Variants in ITGB1 observed in about 807,000 individuals in gnomAD.
The protein encoded by ITGB1 is integrin beta-1.
A neutral mutation model predicts 86.5 loss-of-function variants in ITGB1; 24 were observed. That is an observed-to-expected ratio of 0.28 (90% CI 0.20 to 0.39). The LOEUF (loss-of-function observed/expected upper bound fraction) is 0.39. Among genes scored for constraint, ITGB1 ranks in the 10% least tolerant of loss-of-function variants. The pLI, the probability that ITGB1 is intolerant of heterozygous loss-of-function variation, is 1.00. For synonymous variants in ITGB1, 323 were observed against 316.8 expected, an observed-to-expected ratio of 1.02 and a Z score of -0.21; for missense variants, 556 against 946.9, an observed-to-expected ratio of 0.59 and a Z score of 5.42.
intron 8 of ITGB1, 65 bp downstream of exon 8, chr10:32,922,575 G>A: frequency 9.7e-7 from 1 of 1,033,342 alleles, no homozygotes; most frequent in Non-Finnish European, 1.5e-6. Context: ...TTTCAATTCA[G>A]ACATGATTTG....
At chr10:32,945,570 G>C (rs1230156159) in intron 1 of ITGB1, among the ~76,000 whole-genome samples, 2 of 151,838 alleles carry the variant, frequency 1.3e-5, no homozygotes, top group Non-Finnish European at 2.9e-5. Context: ...CTGCACTCCA[G>C]CCTGGGCGAC....
chr10:32,902,938 T>C (rs144543194), intron 15 of ITGB1, among the ~76,000 whole-genome samples: 1 of 152,130 alleles, frequency 6.6e-6, no homozygotes, highest in Non-Finnish European at 1.5e-5. Context: ...ATTAAGGAGA[T>C]TTTCATTGTG....
At chr10:32,925,755 G>T in intron 6 of ITGB1, 116 bp downstream of exon 6, 1 of 723,152 alleles carries the variant, frequency 1.4e-6, no homozygotes, top group Non-Finnish European at 2.4e-6. Flanking sequence ...ACTTCTCTAA[G>T]ATAATCAAAT....
At position 32,908,548 on chromosome 10, in the gene ITGB1, A is replaced by C. The variant is rs201244255; in HGVS notation, c.2165-14T>G. 41 of 1,611,930 alleles carry C rather than the reference A, an allele frequency of 2.5e-5. No individual in the cohort carries two copies. The highest frequency in any genetic ancestry group is 3.1e-5 in the Non-Finnish European group (37 of 1,178,576). On this transcript the variant is annotated splice_polypyrimidine_tract_variant and intron_variant, in intron 14 of 15. Coordinates refer to ENST00000302278, the MANE Select transcript of ITGB1 (RefSeq NM_002211.4). ...CAGTGGGACACTCTGGAAAATAAGA[A>C]GGTAATAATGAGCACCACAAAGAGC...
Position 32,901,548 on chromosome 10 carries a change from G to A in ITGB1, c.*22C>T. On this transcript the variant is annotated 3_prime_UTR_variant, in exon 16 of 16. Transcript: ENST00000302278. The stretch of plus-strand genomic sequence containing the variant: ...AAATTGCTACTTTGCATTCAGTGTT[G>A]TGGGATTTGCACGGGCAGTACTCAT... The A allele has an allele frequency of 2.0e-6, 3 of 1,464,326 alleles. No individual in the cohort carries two copies. The highest frequency in any genetic ancestry group is 2.8e-6 in the Non-Finnish European group (3 of 1,053,576). The allele number at this position is 1,464,326 out of a possible 1,614,324, so 90.7% of individuals were successfully genotyped here. A position where few individuals can be genotyped will look rare whatever the true frequency, so the allele number is the denominator to read the frequency against.
At chr10:32,917,858 A>C (rs2094936912) in intron 11 of ITGB1, among the ~76,000 whole-genome samples, 1 of 152,156 alleles carries the variant, frequency 6.6e-6, no homozygotes, top group African/African-American at 2.4e-5. Flanking sequence ...ATACCCAAAG[A>C]ATTATAAATC....
Position 32,908,383 on chromosome 10 carries a change from A to C in ITGB1, c.2316T>G (p.Asn772Lys). 1 of 1,614,032 alleles carries C rather than the reference A, an allele frequency of 6.2e-7. No homozygotes were observed. Among genetic ancestry groups the C allele is most frequent in the Middle Eastern group, 1.7e-4 (1 of 6,058 alleles). ...EFAKFEKEKM[N>K]AKWDTGENPI... ...TGTAACTTACCGTGTCCCATTTGGC[A>C]TTCATTTTCTCCTTTTCAAATTTAG... Residue 772 changes from asparagine to lysine, a missense_variant, in exon 15 of 16, where the codon AAT (asparagine) becomes AAG (lysine). Physicochemically the swap from Asn to Lys is moderately conservative, Grantham distance 94 (BLOSUM62 0). This residue lies in a region of ITGB1 where 18 missense variants were observed against 75.2 expected (regional missense o/e 0.24). Transcript: ENST00000302278.
At chr10:32,931,632 T>C (rs2094983689) in intron 3 of ITGB1, among the ~76,000 whole-genome samples, 1 of 152,088 alleles carries the variant, frequency 6.6e-6, no homozygotes, top group Admixed American at 6.6e-5. Flanking sequence ...AGAAAATTTT[T>C]GAAAAACAAC....
intron 14 of ITGB1, among the ~76,000 whole-genome samples, chr10:32,909,318 T>C (rs968395615): frequency 6.6e-6 from 1 of 152,138 alleles, no homozygotes; most frequent in Non-Finnish European, 1.5e-5. Flanking sequence ...ACTGAGCCTT[T>C]TGTCACACAC....
intron 4 of ITGB1, among the ~76,000 whole-genome samples, chr10:32,928,555 G>T (rs1273746181): frequency 6.6e-6 from 1 of 151,946 alleles, no homozygotes; most frequent in African/African-American, 2.4e-5. Context: ...AAAACAAATA[G>T]AACACCATAA....
intron 1 of ITGB1, among the ~76,000 whole-genome samples, chr10:32,946,308 C>T (rs1033073562): frequency 6.6e-6 from 1 of 152,142 alleles, no homozygotes; most frequent in Admixed American, 6.5e-5. Flanking sequence ...AATCATGATT[C>T]GTAAACAAGG....
At chr10:32,931,409 C>T (rs1459387918) in intron 3 of ITGB1, among the ~76,000 whole-genome samples, 2 of 152,058 alleles carry the variant, frequency 1.3e-5, no homozygotes, top group African/African-American at 2.4e-5. Flanking sequence ...GCAGCTACCA[C>T]TTATTTAGAA....
chr10:32,952,142 G>T (rs1052838870), intron 1 of ITGB1, among the ~76,000 whole-genome samples: 1 of 151,840 alleles, frequency 6.6e-6, no homozygotes, highest in Non-Finnish European at 1.5e-5. Context: ...TCAGTAAGCT[G>T]TAAACAGTAT....
chr10:32,909,499 T>C (rs2094906682), intron 14 of ITGB1, among the ~76,000 whole-genome samples: 1 of 152,084 alleles, frequency 6.6e-6, no homozygotes, highest in Admixed American at 6.6e-5. Flanking sequence ...TTAATCAAAA[T>C]TAAAACCTGT....
At chr10:32,912,612 G>T (rs1422968768) in intron 11 of ITGB1, among the ~76,000 whole-genome samples, 7 of 152,194 alleles carry the variant, frequency 4.6e-5, no homozygotes, top group Non-Finnish European at 8.8e-5. Flanking sequence ...GGGAGGCCGA[G>T]GGAGGGGTAT....
chr10:32,912,229 C>G (rs201475769), intron 11 of ITGB1, 105 bp from the exon 12 acceptor site: 1 of 863,076 alleles, frequency 1.2e-6, no homozygotes, highest in South Asian at 1.6e-5. Context: ...CCAGCGTGAG[C>G]GACACAGAAG....
At chr10:32,903,283 C>T (rs913836429) in intron 15 of ITGB1, among the ~76,000 whole-genome samples, 1 of 127,462 alleles carries the variant, frequency 7.8e-6, no homozygotes, top group Non-Finnish European at 1.6e-5. Context: ...ACCCGGGAAG[C>T]GGAGATTGTA....
intron 3 of ITGB1, among the ~76,000 whole-genome samples, chr10:32,931,219 A>G (rs1353483082): frequency 1.3e-5 from 2 of 152,156 alleles, no homozygotes; most frequent in Non-Finnish European, 2.9e-5. Context: ...TGAATTACAC[A>G]TTTCTAAATA....
chr10:32,904,469 A>T (rs2094890886), intron 15 of ITGB1, among the ~76,000 whole-genome samples: 2 of 152,236 alleles, frequency 1.3e-5, no homozygotes, highest in Non-Finnish European at 2.9e-5. Context: ...AAACCCGCAT[A>T]GCAGCAGATG....
Sources: gnomAD v4.1 joint callset for allele counts (sites outside exome capture counted in the v4.1 genomes callset) on GRCh38, gnomAD v4.1.1 for gene constraint, gnomAD v4.1.1 regional missense constraint, MANE v1.5 for transcripts, NCBI Gene and HGNC (gene_info 2026-07-23, HGNC 2026-07-21) for gene names.